POLI: variants seen among roughly 807,000 people sequenced by gnomAD.
POLI encodes DNA polymerase iota.
POLI carries 58 observed loss-of-function variants against 51.6 expected under a neutral mutation model. The ratio of observed to expected loss-of-function variants is 1.12; its 90% CI spans 0.91 to 1.40. The LOEUF (loss-of-function observed/expected upper bound fraction) is 1.40. Among genes scored for constraint, POLI ranks in the 40% most tolerant of loss-of-function variants. The pLI is 0.00. For synonymous variants in POLI, 322 were observed against 299.7 expected (o/e 1.07, Z -0.77); for missense variants, 921 against 871.3 (o/e 1.06, Z -0.72).
chr18:54,269,487 G>A (rs956386442), upstream of POLI: 4 of 1,486,740 alleles, frequency 2.7e-6, no homozygotes, highest in East Asian at 2.8e-5. Flanking sequence ...GTAGTCCCCC[G>A]GTTTCCCTGG....
chr18:54,307,221 GC>G (rs1426527201), intron 3 of POLI, among the ~76,000 whole-genome samples: 2 of 152,116 alleles, frequency 1.3e-5, no homozygotes, highest in African/African-American at 4.8e-5. Context: ...TCTCTTGTGG[GC>G]ATTTAGTGAT....
In POLI at chr18:54,287,246, C is replaced by T. The variant is rs1380224602; in HGVS notation, c.1068-35C>T. Reference sequence around the variant, plus strand: ...CATAATTTAAAAAGGTAATACTTTTCTAATTCCTTATTTCCACTTTCTCTT... The same window carrying T: ...CATAATTTAAAAAGGTAATACTTTTTTAATTCCTTATTTCCACTTTCTCTT... On this transcript the variant is annotated intron_variant, in intron 7 of 9. Coordinates refer to ENST00000579534, the MANE Select transcript of POLI (RefSeq NM_007195.3). 3.4e-6 allele frequency: 5 copies of T among 1,449,386 alleles called. No homozygotes were observed. The East Asian group carries it at 1.2e-4, about 36-fold the overall frequency. The allele number at this position is 1,449,386 out of a possible 1,614,324, so 89.8% of individuals were successfully genotyped here. A position where few individuals can be genotyped will look rare whatever the true frequency, so the allele number is the denominator to read the frequency against.
chr18:54,315,340 AT>A, intron 3 of POLI, among the ~76,000 whole-genome samples: 1 of 151,378 alleles, frequency 6.6e-6, no homozygotes, highest in South Asian at 2.1e-4. Flanking sequence ...GGTGATTTCA[AT>A]TTTTTTTCAA....
Position 54,294,581 on chromosome 18 carries a change from G to C in POLI, c.*114G>C. 24 of 1,338,074 alleles carry C rather than the reference G, an allele frequency of 1.8e-5. No homozygotes were observed. Among genetic ancestry groups the C allele is most frequent in the Non-Finnish European group, 2.3e-5 (24 of 1,048,164 alleles). The allele number at this position is 1,338,074 out of a possible 1,614,324, so 82.9% of individuals were successfully genotyped here. On this transcript the variant is annotated 3_prime_UTR_variant, in exon 10 of 10. Coordinates refer to ENST00000579534, the MANE Select transcript of POLI (RefSeq NM_007195.3). ...TAGATATTCAATAACGGAGTAAACTGTTCCAGATAAAGCAAGAATAGTTGC... is the reference window on the plus strand; with the variant it reads ...TAGATATTCAATAACGGAGTAAACTCTTCCAGATAAAGCAAGAATAGTTGC...
At chr18:54,299,952 CAAAT>C (rs963114165), downstream of POLI, among the ~76,000 whole-genome samples, 5 of 151,508 alleles carry the variant, frequency 3.3e-5, no homozygotes, top group South Asian at 4.2e-4. Flanking sequence ...CTGACATCCT[CAAAT>C]AAAGTAAAGA....
At chr18:54,298,588 CTTTTTT>C (rs145052748), downstream of POLI, among the ~76,000 whole-genome samples, 3 of 114,906 alleles carry the variant, frequency 2.6e-5, no homozygotes, top group African/African-American at 1.1e-4. Context: ...ACTACAGAAT[CTTTTTT>C]TTTTTTTTTT....
rs145791860 is a variant in POLI, at chr18:54,271,693, C to A, written c.241+208C>A. 2.4e-3 allele frequency among the ~76,000 whole-genome samples: 362 copies of A among 152,248 alleles called. 2 individuals carry two copies. Among genetic ancestry groups the A allele is most frequent in the African/African-American group, 8.2e-3 (339 of 41,538 alleles). ...GTGGTGAATCTGAGAATAGTGTAGT[C>A]GGCAGAACAAATGAAGAGAAAGCAG... is the stretch of plus-strand genomic sequence containing the variant. On this transcript the variant is annotated intron_variant, in intron 2 of 9. Transcript: ENST00000579534.
At position 54,294,976 on chromosome 18, in the gene POLI, T is replaced by C. The variant is rs1006130362; in HGVS notation, c.*509T>C. On this transcript the variant is annotated 3_prime_UTR_variant, in exon 10 of 10. Coordinates refer to ENST00000579534, the MANE Select transcript of POLI (RefSeq NM_007195.3). ...GTTGACTTTTAAAATACCAAAGCAA[T>C]TTATATTCAATTAATGCTTCTTCAT... 88 of 984,662 alleles carry C rather than the reference T, an allele frequency of 8.9e-5. No individual in the cohort carries two copies. The highest frequency in any genetic ancestry group is 1.0e-4 in the Non-Finnish European group (85 of 829,408). 61.0% of individuals were successfully genotyped at this position (984,662 alleles called of 1,614,324 possible).
intron 2 of POLI, 95 bp from the exon 3 acceptor site, chr18:54,273,831 G>T: frequency 1.5e-6 from 1 of 652,696 alleles, no homozygotes; most frequent in Non-Finnish European, 2.3e-6. Context: ...AAAACTGATT[G>T]TCTTACAATT....
chr18:54,272,848 G>C (rs510482), intron 2 of POLI, among the ~76,000 whole-genome samples: 38,210 of 151,486 alleles, frequency 0.25, 5,021 homozygotes, highest in Middle Eastern at 0.29. Context: ...AAGAAATCTA[G>C]CAATCTGATT....
intron 8 of POLI, 74 bp downstream of exon 8, chr18:54,287,485 G>A: frequency 1.7e-6 from 2 of 1,150,460 alleles, no homozygotes; most frequent in South Asian, 2.7e-5. Context: ...TGAGAAATAT[G>A]CTCCAAAAAT....
chr18:54,279,848 G>A (rs2087418226), intron 4 of POLI, among the ~76,000 whole-genome samples: 1 of 152,188 alleles, frequency 6.6e-6, no homozygotes, highest in South Asian at 2.1e-4. Flanking sequence ...TATACTGCTA[G>A]TGCGTGGTTA....
intron 3 of POLI, chr18:54,311,049 A>G: frequency 1.0e-6 from 1 of 967,110 alleles, no homozygotes; most frequent in Non-Finnish European, 1.2e-6. Context: ...GGCATGAGCC[A>G]CTGTGCCCAG....
In POLI at chr18:54,297,967, T is replaced by A; in HGVS notation, c.*3500T>A. 2.0e-6 allele frequency: 2 copies of A among 980,596 alleles called. No homozygotes were observed. The highest frequency in any genetic ancestry group is 2.4e-6 in the Non-Finnish European group (2 of 825,504). 60.7% of individuals were successfully genotyped at this position (980,596 alleles called of 1,614,324 possible). ...TAGAGCTGTAGATTTAGAACTGACATCTCTTGAGCTGTTCTAAGATAATAT... is the reference window on the plus strand; with the variant it reads ...TAGAGCTGTAGATTTAGAACTGACAACTCTTGAGCTGTTCTAAGATAATAT... On this transcript the variant is annotated 3_prime_UTR_variant, in exon 10 of 10. Coordinates refer to ENST00000579534, the MANE Select transcript of POLI (RefSeq NM_007195.3).
intron 3 of POLI, among the ~76,000 whole-genome samples, chr18:54,277,373 C>A (rs1250471367): frequency 6.6e-6 from 1 of 152,134 alleles, no homozygotes; most frequent in Non-Finnish European, 1.5e-5. Context: ...TGACACATTT[C>A]TTCAAGGTCA....
chr18:54,320,402 A>G (rs2088777100), intron 4 of POLI: 1 of 152,236 alleles, frequency 6.6e-6, no homozygotes, highest in Non-Finnish European at 1.5e-5. Context: ...AGTGAGTGCC[A>G]TGAAAAGACC....
chr18:54,278,116 A>G (rs1243224545), intron 4 of POLI, among the ~76,000 whole-genome samples: 1 of 152,160 alleles, frequency 6.6e-6, no homozygotes, highest in Non-Finnish European at 1.5e-5. Flanking sequence ...TGCACAGAGC[A>G]TTCATCTGTG....
intron 4 of POLI, among the ~76,000 whole-genome samples, chr18:54,278,962 TA>T (rs2087372722): frequency 6.6e-6 from 1 of 152,246 alleles, no homozygotes; most frequent in East Asian, 1.9e-4. Flanking sequence ...GTTTCTAGAA[TA>T]CATGGAGCTT....
intron 3 of POLI, among the ~76,000 whole-genome samples, chr18:54,303,672 C>T (rs1025316064): frequency 1.3e-5 from 2 of 151,968 alleles, no homozygotes; most frequent in African/African-American, 4.8e-5. Flanking sequence ...TTGTTAATTT[C>T]TTATCTTGCA....
Sources: gnomAD v4.1 joint callset for allele counts (sites outside exome capture counted in the v4.1 genomes callset) on GRCh38, gnomAD v4.1.1 for gene constraint, MANE v1.5 for transcripts, NCBI Gene and HGNC (gene_info 2026-07-23, HGNC 2026-07-21) for gene names.